Variants in GRK5 observed in about 807,000 individuals in gnomAD.
GRK5 encodes the protein G protein-coupled receptor kinase 5.
Under a neutral mutation model 78.4 loss-of-function variants are expected in GRK5, and 40 were observed. The observed-to-expected ratio is 0.51, with a 90% CI of 0.40 to 0.66. GRK5 has a LOEUF of 0.66. GRK5 is among the 30% of genes least tolerant of loss of function. GRK5 has a pLI of 0.00. For missense variants in GRK5, 598 were observed against 759.9 expected (o/e 0.79, Z 2.50); for synonymous variants, 289 against 296.8 (o/e 0.97, Z 0.27).
At chr10:119,210,781 A>G (rs938767298) in intron 1 of GRK5, among the ~76,000 whole-genome samples, 1 of 152,204 alleles carries the variant, frequency 6.6e-6, no homozygotes, top group Admixed American at 6.5e-5. Context: ...CCCAAACAAT[A>G]GAGAAACAGA....
chr10:119,280,936 C>A (rs1034432657), intron 1 of GRK5, among the ~76,000 whole-genome samples: 2 of 151,978 alleles, frequency 1.3e-5, no homozygotes, highest in African/African-American at 4.8e-5. Context: ...TGCGCCACCA[C>A]GCCCAGCTAA....
At position 119,336,764 on chromosome 10, in the gene GRK5, G is replaced by A. The variant is rs1027693320; in HGVS notation, c.148+10153G>A. Among the ~76,000 whole-genome samples the A allele has an allele frequency of 2.6e-5, 4 of 152,156 alleles. No individual in the cohort carries two copies. The highest frequency in any genetic ancestry group is 4.8e-5 in the African/African-American group (2 of 41,444). On this transcript the variant is annotated intron_variant, in intron 2 of 15. Transcript: ENST00000392870. This position sits in a 1 kb window ranked among gnomAD's most constrained non-coding sequence, Gnocchi z 4.5. ...GTGATAAGGGCGCGTCATGTCTGTC[G>A]TTCTGCCACCTAGCCGTGCTGTGAT...
chr10:119,300,828 C>G (rs1328621866), intron 1 of GRK5, among the ~76,000 whole-genome samples: 1 of 152,174 alleles, frequency 6.6e-6, no homozygotes, highest in Non-Finnish European at 1.5e-5. Flanking sequence ...CACAATGGCT[C>G]ATGCCTGTAA....
chr10:119,415,098 A>AAAAAAG (rs1564925862), intron 4 of GRK5, among the ~76,000 whole-genome samples: 6 of 150,828 alleles, frequency 4.0e-5, no homozygotes, highest in Admixed American at 6.6e-5. Context: ...AAAAAAAAAA[A>AAAAAAG]AAAAAGAAAA....
At chr10:119,402,597 A>G (rs548068410) in intron 4 of GRK5, among the ~76,000 whole-genome samples, 19 of 152,240 alleles carry the variant, frequency 1.2e-4, no homozygotes, top group Non-Finnish European at 2.6e-4. Flanking sequence ...TCACACCTGT[A>G]ATCCCAGCAC....
intron 1 of GRK5, among the ~76,000 whole-genome samples, chr10:119,274,827 T>C (rs537907198): frequency 1.3e-5 from 2 of 152,334 alleles, no homozygotes; most frequent in African/African-American, 4.8e-5. Context: ...GTTCCAGCCT[T>C]GGTTCCACCT....
At chr10:119,443,781 T>A in intron 12 of GRK5, 29 bp downstream of exon 12, 1 of 1,553,456 alleles carries the variant, frequency 6.4e-7, no homozygotes. Context: ...GATGCCACCC[T>A]CAAGCTGGTG....
intron 12 of GRK5, among the ~76,000 whole-genome samples, chr10:119,447,272 T>C (rs1469288354): frequency 6.6e-6 from 1 of 152,198 alleles, no homozygotes; most frequent in Non-Finnish European, 1.5e-5. Context: ...GACACTCTCC[T>C]ACCTCAACCA....
chr10:119,322,194 C>G (rs1349954984), intron 1 of GRK5, among the ~76,000 whole-genome samples: 4 of 152,202 alleles, frequency 2.6e-5, no homozygotes, highest in Non-Finnish European at 4.4e-5. Flanking sequence ...CTCAAGCAAT[C>G]CCCCCATCTT....
chr10:119,408,653 A>G (rs1253328039), intron 4 of GRK5, among the ~76,000 whole-genome samples: 3 of 146,612 alleles, frequency 2.0e-5, no homozygotes, highest in African/African-American at 7.3e-5. Flanking sequence ...AGACAAATCC[A>G]TAGAGGCAGA....
intron 1 of GRK5, among the ~76,000 whole-genome samples, chr10:119,239,693 C>T (rs970619594): frequency 6.6e-6 from 1 of 152,060 alleles, no homozygotes; most frequent in Admixed American, 6.6e-5. Context: ...CCCCCCACCC[C>T]CTAATAAGCC....
At chr10:119,448,013 G>T in intron 12 of GRK5, 110 bp from the exon 13 acceptor site, 1 of 1,309,532 alleles carries the variant, frequency 7.6e-7, no homozygotes, top group East Asian at 2.8e-5. Context: ...TTTGCAGGGT[G>T]GGGCAGCGTG....
In GRK5 at chr10:119,256,369, G is replaced by A. The variant is rs368425291; in HGVS notation, c.52+48400G>A. On this transcript the variant is annotated intron_variant, in intron 1 of 15. Coordinates refer to ENST00000392870, the MANE Select transcript of GRK5 (RefSeq NM_005308.3). ...GTCTGGAGTCCTGGCTCCGGTAGTC[G>A]CCAGCCACTTCTTGTCCCCTGGTCC... 4.8e-3 allele frequency among the ~76,000 whole-genome samples: 732 copies of A among 152,234 alleles called. 1 individual carries two copies. Among genetic ancestry groups the A allele is most frequent in the Non-Finnish European group, 8.9e-3 (606 of 68,000 alleles).
rs1852056789 is a variant in GRK5, at chr10:119,396,567, T to TG, written c.262-127dup. The stretch of plus-strand genomic sequence containing the variant: ...GGCCAGGTCTTCCCCCCCGGTTTCC[T>TG]GACCTGCAGGAGAAGGGGGTTGGTC... On this transcript the variant is annotated intron_variant, in intron 3 of 15. Coordinates refer to ENST00000392870, the MANE Select transcript of GRK5 (RefSeq NM_005308.3). The TG allele has an allele frequency of 5.5e-6, 4 of 732,270 alleles. No homozygotes were observed. The East Asian group carries it at 1.1e-4, about 20-fold the overall frequency. The allele number at this position is 732,270 out of a possible 1,614,324, so 45.4% of individuals were successfully genotyped here. A position where few individuals can be genotyped will look rare whatever the true frequency, so the allele number is the denominator to read the frequency against.
chr10:119,252,803 G>A (rs79300888), intron 1 of GRK5, among the ~76,000 whole-genome samples: 1 of 152,148 alleles, frequency 6.6e-6, no homozygotes, highest in African/African-American at 2.4e-5. Flanking sequence ...TTTATGGGTC[G>A]TAGAGGATAC....
chr10:119,354,101 T>G (rs1291342432), intron 2 of GRK5, among the ~76,000 whole-genome samples: 1 of 151,946 alleles, frequency 6.6e-6, no homozygotes, highest in Non-Finnish European at 1.5e-5. Context: ...ACATGTGATC[T>G]CAAGGGTTTC....
intron 1 of GRK5, among the ~76,000 whole-genome samples, chr10:119,240,921 A>G (rs1215046604): frequency 6.6e-6 from 1 of 152,184 alleles, no homozygotes; most frequent in Non-Finnish European, 1.5e-5. Flanking sequence ...AAGGACCATG[A>G]CTGAATGCTG....
intron 1 of GRK5, among the ~76,000 whole-genome samples, chr10:119,260,287 C>T (rs938757779): frequency 3.0e-4 from 46 of 152,104 alleles, no homozygotes; most frequent in African/African-American, 8.5e-4. Context: ...AGGCGTGAGC[C>T]GCCGCACCGG....
intron 1 of GRK5, among the ~76,000 whole-genome samples, chr10:119,244,489 C>G (rs1320872417): frequency 6.6e-6 from 1 of 152,220 alleles, no homozygotes; most frequent in Non-Finnish European, 1.5e-5. Flanking sequence ...AAAAGATGCT[C>G]AATATCACTA....
Sources: gnomAD v4.1 joint callset for allele counts (sites outside exome capture counted in the v4.1 genomes callset) on GRCh38, gnomAD v4.1.1 for gene constraint, Gnocchi (gnomAD v3.1) non-coding constraint, MANE v1.5 for transcripts, NCBI Gene and HGNC (gene_info 2026-07-23, HGNC 2026-07-21) for gene names.